UBAP1: variants seen among roughly 807,000 people sequenced by gnomAD.
UBAP1 encodes the protein ubiquitin associated protein 1.
Under a neutral mutation model 39.0 loss-of-function variants are expected in UBAP1, and 5 were observed. That is an observed-to-expected ratio of 0.13 (90% confidence interval 0.07 to 0.27). UBAP1 has a LOEUF of 0.27. Among genes scored for constraint, UBAP1 ranks in the 10% least tolerant of loss-of-function variants. The pLI, the probability that UBAP1 is intolerant of heterozygous loss-of-function variation, is 1.00. For synonymous variants in UBAP1, 211 were observed against 225.1 expected (o/e 0.94, Z 0.56); for missense variants, 490 against 608.1 (o/e 0.81, Z 2.04).
At chr9:34,183,301 T>TG (rs1485649280) in intron 1 of UBAP1, among the ~76,000 whole-genome samples, 2 of 151,576 alleles carry the variant, frequency 1.3e-5, no homozygotes, top group African/African-American at 4.8e-5. Flanking sequence ...CCCAGCACTT[T>TG]GGGGGGCCGA....
intron 1 of UBAP1, among the ~76,000 whole-genome samples, chr9:34,204,988 C>G (rs1057432630): frequency 1.3e-5 from 2 of 152,168 alleles, no homozygotes; most frequent in Middle Eastern, 3.4e-3. Flanking sequence ...CTTGAAATTT[C>G]TGATTGGCTA....
chr9:34,202,998 T>A (rs1259085342), intron 1 of UBAP1, among the ~76,000 whole-genome samples: 1 of 152,196 alleles, frequency 6.6e-6, no homozygotes, highest in Non-Finnish European at 1.5e-5. Context: ...GATGTATTCC[T>A]TAAGATCTTT....
chr9:34,238,900 A>G (rs1007234412), intron 3 of UBAP1, among the ~76,000 whole-genome samples: 1 of 152,166 alleles, frequency 6.6e-6, no homozygotes, highest in African/African-American at 2.4e-5. Context: ...TTTGCTGGGA[A>G]TTTCCCATTT....
At chr9:34,186,159 CTG>C (rs1425763000) in intron 1 of UBAP1, among the ~76,000 whole-genome samples, 3 of 152,090 alleles carry the variant, frequency 2.0e-5, no homozygotes, top group Non-Finnish European at 2.9e-5. Context: ...AATAGTGTAA[CTG>C]GAATGATAAA....
At chr9:34,235,635 G>A (rs368222605) in intron 3 of UBAP1, among the ~76,000 whole-genome samples, 1 of 151,302 alleles carries the variant, frequency 6.6e-6, no homozygotes, top group Non-Finnish European at 1.5e-5. Flanking sequence ...CACTGCGCCC[G>A]GTCAAAAAAT....
chr9:34,195,990 A>G, intron 1 of UBAP1, among the ~76,000 whole-genome samples: 1 of 108,202 alleles, frequency 9.2e-6, no homozygotes, highest in African/African-American at 3.7e-5. Flanking sequence ...TATGTTGCCT[A>G]GGCTGGCCTC....
chr9:34,193,377 C>G (rs937551624), intron 1 of UBAP1, among the ~76,000 whole-genome samples: 1 of 151,884 alleles, frequency 6.6e-6, no homozygotes, highest in African/African-American at 2.4e-5. Context: ...CCTCTACTCT[C>G]ACACCACCAC....
At chr9:34,196,879 GTCTT>G (rs1013492939) in intron 1 of UBAP1, among the ~76,000 whole-genome samples, 2 of 148,778 alleles carry the variant, frequency 1.3e-5, no homozygotes, top group African/African-American at 4.9e-5. Context: ...TTCATGTATT[GTCTT>G]TCTAATATTG....
At chr9:34,218,344 G>A (rs4994861) in intron 1 of UBAP1, among the ~76,000 whole-genome samples, 4,861 of 146,926 alleles carry the variant, frequency 0.033, 192 homozygotes, top group East Asian at 0.15. Context: ...TAACATTCCT[G>A]GTGTCAGCAT....
chr9:34,217,829 G>T, intron 1 of UBAP1, among the ~76,000 whole-genome samples: 1 of 96,110 alleles, frequency 1.0e-5, no homozygotes, highest in Non-Finnish European at 1.9e-5. Context: ...AGACAGTCTT[G>T]CTGAGTTGCC....
chr9:34,237,096 T>A (rs555303066), intron 3 of UBAP1, among the ~76,000 whole-genome samples: 1 of 152,352 alleles, frequency 6.6e-6, no homozygotes, highest in South Asian at 2.1e-4. Flanking sequence ...TCTTTCTCAG[T>A]CCTCCCATCT....
Position 34,238,013 on chromosome 9 carries a change from G to C in UBAP1, c.160-3172G>C, listed in dbSNP as rs117142209. On this transcript the variant is annotated intron_variant, in intron 3 of 6. Coordinates refer to ENST00000297661, the MANE Select transcript of UBAP1 (RefSeq NM_016525.5). The stretch of plus-strand genomic sequence containing the variant: ...TGTCCACTAGAAGTCACTCCCCACA[G>C]CCTCTGGCAGCCTCCTCGCAGCCTC... Among the ~76,000 whole-genome samples the C allele has an allele frequency of 1.2e-4, 19 of 152,272 alleles. No individual in the cohort carries two copies. The East Asian group carries it at 3.5e-3, about 28-fold the overall frequency.
chr9:34,215,971 T>A (rs1345802402), intron 1 of UBAP1, among the ~76,000 whole-genome samples: 134 of 152,242 alleles, frequency 8.8e-4, no homozygotes, highest in African/African-American at 3.0e-3. Flanking sequence ...AAAAATATTT[T>A]ATCAGCTCTA....
intron 1 of UBAP1, among the ~76,000 whole-genome samples, chr9:34,183,902 C>T (rs994926072): frequency 6.6e-6 from 1 of 151,794 alleles, no homozygotes; most frequent in Non-Finnish European, 1.5e-5. Context: ...TCCCGAGTAG[C>T]TGGAATTACA....
intron 4 of UBAP1, among the ~76,000 whole-genome samples, chr9:34,243,837 T>A (rs1029248233): frequency 6.6e-6 from 1 of 151,634 alleles, no homozygotes; most frequent in African/African-American, 2.4e-5. Flanking sequence ...AAATGGTAGA[T>A]CTTATTCTAT....
At chr9:34,230,354 G>A (rs1487877373) in intron 2 of UBAP1, among the ~76,000 whole-genome samples, 2 of 152,112 alleles carry the variant, frequency 1.3e-5, no homozygotes, top group Non-Finnish European at 1.5e-5. Context: ...GTGAGCTGCC[G>A]CACCTGGCCA....
chr9:34,182,674 T>C (rs1830141770), intron 1 of UBAP1, among the ~76,000 whole-genome samples: 1 of 87,452 alleles, frequency 1.1e-5, no homozygotes, highest in South Asian at 5.0e-4. Context: ...TTTCTTTCTT[T>C]CTTTCTTTCT....
intron 1 of UBAP1, among the ~76,000 whole-genome samples, chr9:34,182,704 T>A (rs1008079395): frequency 4.9e-5 from 7 of 143,966 alleles, no homozygotes; most frequent in Non-Finnish European, 1.1e-4. Context: ...TCTTTTCTTT[T>A]CTTTCTCTCT....
At chr9:34,222,766 C>G (rs556803753) in intron 2 of UBAP1, among the ~76,000 whole-genome samples, 35 of 152,056 alleles carry the variant, frequency 2.3e-4, no homozygotes, top group Non-Finnish European at 4.3e-4. Context: ...CCACTGCACT[C>G]CAGCCAGAAT....
Sources: allele counts gnomAD v4.1 joint callset (sites outside exome capture counted in the v4.1 genomes callset), GRCh38; gene constraint gnomAD v4.1.1; transcripts MANE v1.5; gene names NCBI Gene and HGNC (gene_info 2026-07-23, HGNC 2026-07-21).